Variants in CPLX1 observed in about 807,000 individuals in gnomAD.
The protein encoded by CPLX1 is complexin-1.
CPLX1 carries 6 observed loss-of-function variants against 15.6 expected under a neutral mutation model. The ratio of observed to expected loss-of-function variants is 0.39; its 90% confidence interval spans 0.21 to 0.76. The LOEUF (loss-of-function observed/expected upper bound fraction) is 0.76. Ranked by LOEUF, CPLX1 falls within the 30% of genes least tolerant of loss-of-function variation. CPLX1 has a pLI of 0.43. For synonymous variants in CPLX1, 91 were observed against 75.2 expected (o/e 1.21, Z -1.08); for missense variants, 242 against 188.6 (o/e 1.28, Z -1.66).
rs143330209 is a variant in CPLX1 at position 804,028 on chromosome 4, C to T, written c.32-11420G>A. On this transcript the variant is annotated intron_variant, in intron 2 of 3. Coordinates refer to ENST00000304062, the MANE Select transcript of CPLX1 (RefSeq NM_006651.4). ...CCTCACCCTGGTGCTGCCGCTACTG[C>T]GGTGTTCAGTGAGATGTGTGTTGTG... Among the ~76,000 whole-genome samples, 1,118 of 152,376 alleles carry T rather than the reference C, an allele frequency of 7.3e-3. 6 individuals are homozygous for T. Among genetic ancestry groups the T allele is most frequent in the Non-Finnish European group, 0.012 (832 of 68,038 alleles).
intron 2 of CPLX1, among the ~76,000 whole-genome samples, chr4:798,041 G>A (rs1460959261): frequency 6.6e-6 from 1 of 152,172 alleles, no homozygotes; most frequent in South Asian, 2.1e-4. Flanking sequence ...TTGGGAGGCC[G>A]AGGTGGGTGG....
At chr4:788,694 C>T (rs940654843) in intron 3 of CPLX1, among the ~76,000 whole-genome samples, 6 of 152,062 alleles carry the variant, frequency 3.9e-5, no homozygotes, top group African/African-American at 1.4e-4. Flanking sequence ...AGCATGTGCT[C>T]TTCGTCCTGT....
At chr4:787,040 G>A (rs1323073712) in intron 3 of CPLX1, 5 of 985,286 alleles carry the variant, frequency 5.1e-6, no homozygotes, top group East Asian at 1.1e-4. Context: ...CCTCCGGCCC[G>A]GGGCAGGGAG....
At chr4:812,854 C>T (rs1296947724) in intron 2 of CPLX1, among the ~76,000 whole-genome samples, 1 of 152,182 alleles carries the variant, frequency 6.6e-6, no homozygotes, top group Non-Finnish European at 1.5e-5. Flanking sequence ...CTAACGCTGG[C>T]CGTCCTAATG....
chr4:789,721 C>G (rs1388009668), intron 3 of CPLX1, among the ~76,000 whole-genome samples: 2 of 152,206 alleles, frequency 1.3e-5, no homozygotes, highest in African/African-American at 4.8e-5. Flanking sequence ...TGCAGGCGCG[C>G]TGCTCCTCTG....
chr4:792,176 G>A lies in CPLX1; in HGVS notation c.207+257C>T, dbSNP rs187836753. On this transcript the variant is annotated intron_variant, in intron 3 of 3. Coordinates refer to ENST00000304062, the MANE Select transcript of CPLX1 (RefSeq NM_006651.4). ...AGCCAGCCAGGCTCCACGCAGGGCT[G>A]CGCATCGGAATGCGGGCCTAGGAAG... 6.7e-4 allele frequency among the ~76,000 whole-genome samples: 102 copies of A among 152,356 alleles called. 1 individual carries two copies. Among genetic ancestry groups the A allele is most frequent in the African/African-American group, 2.2e-3 (93 of 41,578 alleles).
chr4:792,223 G>A (rs890885430), intron 3 of CPLX1, among the ~76,000 whole-genome samples: 1 of 152,226 alleles, frequency 6.6e-6, no homozygotes, highest in African/African-American at 2.4e-5. Flanking sequence ...TGGCGCTGTG[G>A]TCAGGAGCAG....
At chr4:800,783 A>C (rs1746440126) in intron 2 of CPLX1, among the ~76,000 whole-genome samples, 1 of 148,420 alleles carries the variant, frequency 6.7e-6, no homozygotes, top group Admixed American at 6.8e-5. Context: ...ACAGACACAT[A>C]TATGTGTATA....
At chr4:786,873 A>G in intron 3 of CPLX1, 175 bp from the exon 4 acceptor site, 10 of 983,304 alleles carry the variant, frequency 1.0e-5, no homozygotes, top group Non-Finnish European at 1.2e-5. Context: ...GGGTCCCTGG[A>G]GGAATGGGAA....
chr4:804,768 C>T (rs1040920536), intron 2 of CPLX1: 1 of 985,370 alleles, frequency 1.0e-6, no homozygotes, highest in Non-Finnish European at 1.2e-6. Flanking sequence ...TGCGGGGGCT[C>T]GGGAAGTGCC....
At chr4:793,080 C>T (rs762674495) in intron 2 of CPLX1, among the ~76,000 whole-genome samples, 3 of 152,118 alleles carry the variant, frequency 2.0e-5, no homozygotes, top group Non-Finnish European at 2.9e-5. Context: ...TCAGGCTTGT[C>T]GTCTTGTGGT....
rs764817971 is a variant in CPLX1, at chr4:788,072, C to T, written c.208-1374G>A. ...GAGTGGGCACCAGCACTCTACAGGA[C>T]GGAGGAGCACACCGCGGGATCACCA... On this transcript the variant is annotated intron_variant, in intron 3 of 3. Coordinates refer to ENST00000304062, the MANE Select transcript of CPLX1 (RefSeq NM_006651.4). 1.7e-4 allele frequency: 171 copies of T among 985,278 alleles called. 3 individuals carry two copies. The Admixed American group carries it at 8.2e-3, about 48-fold the overall frequency. The allele number at this position is 985,278 out of a possible 1,614,324, so 61.0% of individuals were successfully genotyped here. A position where few individuals can be genotyped will look rare whatever the true frequency, so the allele number is the denominator to read the frequency against.
chr4:813,546 G>A (rs991706991), intron 2 of CPLX1, among the ~76,000 whole-genome samples: 5 of 152,144 alleles, frequency 3.3e-5, no homozygotes, highest in African/African-American at 4.8e-5. Flanking sequence ...ACGTGGCAAT[G>A]AGATATCAAG....
At chr4:796,968 C>A (rs924539176) in intron 2 of CPLX1, among the ~76,000 whole-genome samples, 2 of 152,140 alleles carry the variant, frequency 1.3e-5, no homozygotes, top group Non-Finnish European at 2.9e-5. Context: ...ACACAGGACC[C>A]CCACGTGGGA....
chr4:793,127 AG>A (rs1332541781), intron 2 of CPLX1, among the ~76,000 whole-genome samples: 5 of 152,102 alleles, frequency 3.3e-5, no homozygotes, highest in African/African-American at 9.7e-5. Context: ...CAGGGGTTGA[AG>A]CGTCTTCTCT....
chr4:803,862 G>C (rs1382260260), intron 2 of CPLX1, among the ~76,000 whole-genome samples: 1 of 151,694 alleles, frequency 6.6e-6, no homozygotes, highest in Non-Finnish European at 1.5e-5. Flanking sequence ...CAGAGATGGG[G>C]TTTCACCATG....
chr4:806,505 G>GA (rs1746557315), intron 2 of CPLX1, among the ~76,000 whole-genome samples: 1 of 152,152 alleles, frequency 6.6e-6, no homozygotes, highest in East Asian at 1.9e-4. Flanking sequence ...ATTTCATGAT[G>GA]AAAACATCAA....
chr4:799,145 T>C (rs1481362306), intron 2 of CPLX1, among the ~76,000 whole-genome samples: 2 of 152,220 alleles, frequency 1.3e-5, no homozygotes, highest in African/African-American at 4.8e-5. Context: ...GACTCAAATC[T>C]TCCCCTGACT....
chr4:800,569 T>C (rs993581067), intron 2 of CPLX1, among the ~76,000 whole-genome samples: 3 of 144,098 alleles, frequency 2.1e-5, no homozygotes, highest in Non-Finnish European at 4.5e-5. Flanking sequence ...AATATATGTG[T>C]GTGTGTGTGT....
Sources: allele counts gnomAD v4.1 joint callset (sites outside exome capture counted in the v4.1 genomes callset), GRCh38; gene constraint gnomAD v4.1.1; transcripts MANE v1.5; gene names NCBI Gene and HGNC (gene_info 2026-07-23, HGNC 2026-07-21).